The following NTRK2 variants were observed in gnomAD, a reference collection of about 807,000 sequenced individuals.
NTRK2 encodes the protein BDNF/NT-3 growth factors receptor.
NTRK2 carries 13 observed loss-of-function variants against 94.5 expected under a neutral mutation model. That is an observed-to-expected ratio of 0.14 (90% CI 0.09 to 0.22). NTRK2 has a LOEUF of 0.22. NTRK2 is among the 10% of genes least tolerant of loss of function. The pLI, the probability that NTRK2 is intolerant of heterozygous loss-of-function variation, is 1.00. For synonymous variants in NTRK2, 372 were observed against 407.4 expected, an observed-to-expected ratio of 0.91 and a Z score of 1.05; for missense variants, 639 against 1,071.2, an observed-to-expected ratio of 0.60 and a Z score of 5.63.
intron 15 of NTRK2, among the ~76,000 whole-genome samples, chr9:84,936,320 G>A (rs892427673): frequency 2.6e-5 from 4 of 152,182 alleles, no homozygotes; most frequent in Non-Finnish European, 5.9e-5. Flanking sequence ...CAGCTTATGT[G>A]TTATATTTCC....
In NTRK2 at chr9:85,022,902, C is replaced by T. The variant is rs1564561900; in HGVS notation, c.*1465C>T. 2 of 233,130 alleles carry T rather than the reference C, an allele frequency of 8.6e-6. No homozygotes were observed. The highest frequency in any genetic ancestry group is 5.6e-5 in the Admixed American group (1 of 17,772). 14.4% of individuals were successfully genotyped at this position (233,130 alleles called of 1,614,324 possible). A position where few individuals can be genotyped will look rare whatever the true frequency, so the allele number is the denominator to read the frequency against. On this transcript the variant is annotated 3_prime_UTR_variant, in exon 19 of 19. Coordinates refer to ENST00000277120, the MANE Select transcript of NTRK2 (RefSeq NM_006180.6). ...ATCCCTAAGGGAAAGGAAACCTCACCCTGAGGGCATCACATGCACTCATGT... is the reference window on the plus strand; with the variant it reads ...ATCCCTAAGGGAAAGGAAACCTCACTCTGAGGGCATCACATGCACTCATGT...
chr9:84,907,688 C>CTTT (rs199660493), intron 14 of NTRK2, among the ~76,000 whole-genome samples: 7 of 133,870 alleles, frequency 5.2e-5, no homozygotes, highest in Non-Finnish European at 8.2e-5. Context: ...TACTCTTCTT[C>CTTT]TTTTTTTTTT....
At chr9:84,684,737 A>G (rs1215010992) in intron 2 of NTRK2, among the ~76,000 whole-genome samples, 1 of 152,194 alleles carries the variant, frequency 6.6e-6, no homozygotes, top group Non-Finnish European at 1.5e-5. Flanking sequence ...TTTTGCGATT[A>G]TGTAATTATG....
In NTRK2 at chr9:84,917,417, G is replaced by A. The variant is rs547174718; in HGVS notation, c.1634-16745G>A. Among the ~76,000 whole-genome samples the A allele has an allele frequency of 9.9e-5, 15 of 152,170 alleles. 1 individual carries two copies. Among genetic ancestry groups the A allele is most frequent in the African/African-American group, 3.4e-4 (14 of 41,512 alleles). ...TGTGCAGTGGAAGGAGCACTGGGCC[G>A]GGCAGCTTCTTGGTTGCAATGACAG... On this transcript the variant is annotated intron_variant, in intron 14 of 18. Transcript: ENST00000277120.
chr9:84,733,079 G>T (rs1384796272), intron 9 of NTRK2, among the ~76,000 whole-genome samples: 1 of 152,156 alleles, frequency 6.6e-6, no homozygotes, highest in Non-Finnish European at 1.5e-5. Flanking sequence ...CATGGCTGCA[G>T]GTTTCTTTCA....
chr9:84,887,973 A>G (rs561075267), intron 14 of NTRK2, among the ~76,000 whole-genome samples: 2 of 152,328 alleles, frequency 1.3e-5, no homozygotes, highest in South Asian at 2.1e-4. Flanking sequence ...ATTCAGATAA[A>G]TGTTACAAGG....
chr9:85,020,454 T>A (rs975896633), intron 18 of NTRK2, 90 bp downstream of exon 18: 1 of 1,357,266 alleles, frequency 7.4e-7, no homozygotes, highest in Non-Finnish European at 1.1e-6. Context: ...TGGAAGACCA[T>A]GTCAGGACAC....
chr9:84,744,852 C>T (rs1182392160), intron 10 of NTRK2, 121 bp from the exon 11 acceptor site: 17 of 807,484 alleles, frequency 2.1e-5, no homozygotes, highest in East Asian at 1.2e-4. Context: ...GCCAGACTGT[C>T]GGGGGTTTGG....
At chr9:84,908,292 C>G (rs1241665782) in intron 14 of NTRK2, among the ~76,000 whole-genome samples, 1 of 152,158 alleles carries the variant, frequency 6.6e-6, no homozygotes, top group African/African-American at 2.4e-5. Context: ...GGAAGCATAC[C>G]ATGTCAGAGT....
intron 17 of NTRK2, among the ~76,000 whole-genome samples, chr9:84,962,335 C>A (rs143784786): frequency 1.3e-5 from 2 of 152,266 alleles, no homozygotes; most frequent in Admixed American, 1.3e-4. Context: ...ATCCTCAGAG[C>A]CTTTAATCTA....
intron 9 of NTRK2, among the ~76,000 whole-genome samples, chr9:84,734,367 C>G (rs541127744): frequency 6.6e-6 from 1 of 152,348 alleles, no homozygotes; most frequent in East Asian, 1.9e-4. Flanking sequence ...CATTAGGGAG[C>G]AGCTTTCTAC....
At chr9:84,954,699 C>G (rs374305727) in intron 16 of NTRK2, among the ~76,000 whole-genome samples, 87 of 152,306 alleles carry the variant, frequency 5.7e-4, no homozygotes, top group African/African-American at 2.0e-3. Flanking sequence ...GCTTCAAAAC[C>G]ATGCCTGGCC....
At chr9:84,733,421 A>T (rs2063028358) in intron 9 of NTRK2, among the ~76,000 whole-genome samples, 1 of 152,152 alleles carries the variant, frequency 6.6e-6, no homozygotes, top group Admixed American at 6.6e-5. Context: ...GAATCTAGGG[A>T]TTTTGAACAA....
At chr9:84,761,301 G>A (rs76285541) in intron 12 of NTRK2, among the ~76,000 whole-genome samples, 2,968 of 152,240 alleles carry the variant, frequency 0.019, 89 homozygotes, top group African/African-American at 0.067. Flanking sequence ...GGTGACTTAA[G>A]GGGTGAGGGT....
At chr9:84,848,242 G>T (rs1181310199) in intron 12 of NTRK2, among the ~76,000 whole-genome samples, 1 of 152,168 alleles carries the variant, frequency 6.6e-6, no homozygotes, top group Admixed American at 6.5e-5. Context: ...TCACACTGAA[G>T]ATTTCAACAT....
intron 2 of NTRK2, among the ~76,000 whole-genome samples, chr9:84,690,053 A>G (rs2059953721): frequency 6.6e-6 from 1 of 152,236 alleles, no homozygotes; most frequent in Non-Finnish European, 1.5e-5. Flanking sequence ...TTAACTCCAA[A>G]GAAAGTAATC....
At chr9:84,824,812 T>C (rs2073078673) in intron 12 of NTRK2, among the ~76,000 whole-genome samples, 1 of 152,150 alleles carries the variant, frequency 6.6e-6, no homozygotes, top group Non-Finnish European at 1.5e-5. Context: ...GTATGTAGGC[T>C]GTTTCCTTTG....
At chr9:84,766,262 A>G (rs7039547) in intron 12 of NTRK2, among the ~76,000 whole-genome samples, 1 of 152,090 alleles carries the variant, frequency 6.6e-6, no homozygotes, top group African/African-American at 2.4e-5. Flanking sequence ...ATCTAGACAG[A>G]GGAAGAGTGG....
At position 85,022,841 on chromosome 9, in the gene NTRK2, C is replaced by T. The variant is rs139980869; in HGVS notation, c.*1404C>T. ...CCTGAAGCCTGGAAATCCTCATCCACGTCGAACCCACAGGACTGTGGGAAG... is the reference window on the plus strand; with the variant it reads ...CCTGAAGCCTGGAAATCCTCATCCATGTCGAACCCACAGGACTGTGGGAAG... On this transcript the variant is annotated 3_prime_UTR_variant, in exon 19 of 19. Coordinates refer to ENST00000277120, the MANE Select transcript of NTRK2 (RefSeq NM_006180.6). 6.7e-4 allele frequency: 156 copies of T among 233,172 alleles called. No homozygotes were observed. Among genetic ancestry groups the T allele is most frequent in the African/African-American group, 3.2e-3 (144 of 45,412 alleles). 14.4% of individuals were successfully genotyped at this position (233,172 alleles called of 1,614,324 possible).
Sources: allele counts gnomAD v4.1 joint callset (sites outside exome capture counted in the v4.1 genomes callset), GRCh38; gene constraint gnomAD v4.1.1; transcripts MANE v1.5; gene names NCBI Gene and HGNC (gene_info 2026-07-23, HGNC 2026-07-21).